The following DIP2A variants were observed in gnomAD, a reference collection of about 807,000 sequenced individuals.
DIP2A encodes DIP2 acetate--CoA ligase A, also known as disco-interacting protein 2 homolog A.
DIP2A carries 85 observed loss-of-function variants against 177.4 expected under a neutral mutation model. That is an observed-to-expected ratio of 0.48 (90% CI 0.40 to 0.57). The LOEUF (loss-of-function observed/expected upper bound fraction) is 0.57, where lower values mean the gene tolerates loss of function less well. DIP2A is among the 20% of genes least tolerant of loss of function. The pLI, the probability that DIP2A is intolerant of heterozygous loss-of-function variation, is 0.00. For synonymous variants in DIP2A, 886 were observed against 881.8 expected (o/e 1.00, Z -0.08); for missense variants, 1,791 against 2,100.2 (o/e 0.85, Z 2.88).
At position 46,490,480 on chromosome 21, in the gene DIP2A, A is replaced by G. The variant is rs2056948537; in HGVS notation, c.164-120A>G. On this transcript the variant is annotated intron_variant, in intron 2 of 37. Transcript: ENST00000417564. ...TGCGTCTATCACTGACTTCCAGATT[A>G]AAGGCTCTTTGATAGAGGGTATGCA... The G allele has an allele frequency of 4.1e-6, 5 of 1,225,318 alleles. No individual in the cohort carries two copies. The South Asian group carries it at 8.0e-5, about 20-fold the overall frequency. The allele number at this position is 1,225,318 out of a possible 1,614,324, so 75.9% of individuals were successfully genotyped here. A position where few individuals can be genotyped will look rare whatever the true frequency, so the allele number is the denominator to read the frequency against.
chr21:46,544,676 T>A (rs777495869), intron 18 of DIP2A, among the ~76,000 whole-genome samples: 1 of 152,124 alleles, frequency 6.6e-6, no homozygotes, highest in Non-Finnish European at 1.5e-5. Flanking sequence ...CATGGCAGAT[T>A]TGCATTTAAA....
intron 1 of DIP2A, among the ~76,000 whole-genome samples, chr21:46,479,471 A>G (rs1388777714): frequency 6.6e-6 from 1 of 152,248 alleles, no homozygotes; most frequent in Non-Finnish European, 1.5e-5. Context: ...TGAATGAGAC[A>G]GTGGACATTC....
In DIP2A at chr21:46,498,152, T is replaced by G. The variant is rs2057455605; in HGVS notation, c.404-430T>G. On this transcript the variant is annotated intron_variant, in intron 4 of 37. Coordinates refer to ENST00000417564, the MANE Select transcript of DIP2A (RefSeq NM_015151.4). This position sits in a 1 kb window ranked among gnomAD's most constrained non-coding sequence, Gnocchi z 4.3. ...TGCACAGGCCAGGATGCCTTCTCAC[T>G]GCCTCCAAGATGTAGGGCCGGGCAC... Among the ~76,000 whole-genome samples, 1 of 152,216 alleles carries G rather than the reference T, an allele frequency of 6.6e-6. No homozygotes were observed. Among genetic ancestry groups the G allele is most frequent in the African/African-American group, 2.4e-5 (1 of 41,458 alleles).
downstream of DIP2A, among the ~76,000 whole-genome samples, chr21:46,573,006 C>T (rs536513729): frequency 8.7e-4 from 132 of 152,014 alleles, no homozygotes; most frequent in South Asian, 6.9e-3. Context: ...TGTGTAGATA[C>T]ATATACACTG....
chr21:46,566,739 C>T (rs1328520065), intron 37 of DIP2A, 56 bp downstream of exon 37: 16 of 1,607,436 alleles, frequency 1.0e-5, no homozygotes, highest in Non-Finnish European at 1.4e-5. Context: ...TTCCTCTGGG[C>T]ATGAGTGCTG....
At chr21:46,483,708 C>T (rs2056504695) in intron 1 of DIP2A, among the ~76,000 whole-genome samples, 1 of 152,232 alleles carries the variant, frequency 6.6e-6, no homozygotes, top group Admixed American at 6.5e-5. Context: ...AAAGGAAATA[C>T]TCAATTATGT....
At position 46,554,269 on chromosome 21, in the gene DIP2A, A is replaced by C; in HGVS notation, c.3131A>C (p.His1044Pro). 6.2e-7 allele frequency: 1 copy of C among 1,613,908 alleles called. No individual in the cohort carries two copies. The highest frequency in any genetic ancestry group is 8.5e-7 in the Non-Finnish European group (1 of 1,179,836). Residue 1044 changes from histidine (H) to proline (P), a missense_variant, in exon 26 of 38, where the codon CAT (histidine) becomes CCT (proline). Transcript: ENST00000417564. ...MEKGRLSVGD[H>P]VALVYPPGVD... Reference sequence around the variant, plus strand: ...AAGGGAAGACTGAGTGTTGGGGACCATGTGGCTCTGGTCTACCCACCAGGT... The same window carrying C: ...AAGGGAAGACTGAGTGTTGGGGACCCTGTGGCTCTGGTCTACCCACCAGGT...
intron 9 of DIP2A, among the ~76,000 whole-genome samples, chr21:46,531,756 C>A (rs2059366527): frequency 6.6e-6 from 1 of 152,200 alleles, no homozygotes; most frequent in African/African-American, 2.4e-5. Flanking sequence ...AACATCTAGT[C>A]TGAAGGTTAT....
intron 1 of DIP2A, among the ~76,000 whole-genome samples, chr21:46,476,751 G>A (rs2055884055): frequency 6.6e-6 from 1 of 151,740 alleles, no homozygotes; most frequent in African/African-American, 2.4e-5. Context: ...CCACGTCCTG[G>A]GTTCAAGTGA....
At chr21:46,462,908 T>C (rs2054447312) in intron 1 of DIP2A, 1 of 152,232 alleles carries the variant, frequency 6.6e-6, no homozygotes, top group African/African-American at 2.4e-5. Flanking sequence ...ACCATAGTGA[T>C]TGGCGTTGGC....
At chr21:46,484,486 A>G (rs892237337) in intron 1 of DIP2A, among the ~76,000 whole-genome samples, 1 of 152,142 alleles carries the variant, frequency 6.6e-6, no homozygotes, top group African/African-American at 2.4e-5. Flanking sequence ...GAATGTCATA[A>G]AAGTTGAGTA....
chr21:46,552,267 T>G lies in DIP2A; in HGVS notation c.3030+363T>G, dbSNP rs117381445. On this transcript the variant is annotated intron_variant, in intron 25 of 37. Transcript: ENST00000417564. Reference sequence around the variant, plus strand: ...AAGTTTGTGAGCTAAAAGGAAATGTTTATTTTGTAAAAAATTAGCCATTTA... The same window carrying G: ...AAGTTTGTGAGCTAAAAGGAAATGTGTATTTTGTAAAAAATTAGCCATTTA... Among the ~76,000 whole-genome samples, 5 of 152,370 alleles carry G rather than the reference T, an allele frequency of 3.3e-5. No individual in the cohort carries two copies. The East Asian group carries it at 9.6e-4, about 29-fold the overall frequency.
intron 15 of DIP2A, among the ~76,000 whole-genome samples, chr21:46,538,135 TCA>T (rs1491373554): frequency 1.3e-5 from 2 of 152,076 alleles, no homozygotes; most frequent in African/African-American, 4.8e-5. Flanking sequence ...TCTGGGGTCC[TCA>T]CACTTCTCAG....
chr21:46,569,862 A>T lies in DIP2A; in HGVS notation c.*2240A>T, dbSNP rs1259873835. The stretch of plus-strand genomic sequence containing the variant: ...ATAAAGAAAATTAAAATTTCTTATA[A>T]TTCTACCTCTGAGTAAACAGCAGCA... On this transcript the variant is annotated 3_prime_UTR_variant, in exon 38 of 38. Coordinates refer to ENST00000417564, the MANE Select transcript of DIP2A (RefSeq NM_015151.4). The T allele has an allele frequency of 1.3e-5, 2 of 152,330 alleles. No homozygotes were observed. The highest frequency in any genetic ancestry group is 4.8e-5 in the African/African-American group (2 of 41,582). The allele number at this position is 152,330 out of a possible 1,614,324, so 9.4% of individuals were successfully genotyped here. A position where few individuals can be genotyped will look rare whatever the true frequency, so the allele number is the denominator to read the frequency against.
At chr21:46,524,169 A>C (rs1469904557) in intron 8 of DIP2A, among the ~76,000 whole-genome samples, 1 of 152,248 alleles carries the variant, frequency 6.6e-6, no homozygotes, top group Non-Finnish European at 1.5e-5. Flanking sequence ...AGTGCAAGGC[A>C]GATGAATCCA....
chr21:46,468,427 A>AG (rs562241456), intron 1 of DIP2A, among the ~76,000 whole-genome samples: 29 of 150,074 alleles, frequency 1.9e-4, no homozygotes, highest in Admixed American at 7.3e-4. Flanking sequence ...AAAAAAAAAA[A>AG]AGAGAGAAAA....
chr21:46,561,692 A>G, intron 33 of DIP2A, 56 bp from the exon 34 acceptor site: 1 of 1,604,342 alleles, frequency 6.2e-7, no homozygotes, highest in Non-Finnish European at 8.5e-7. Context: ...CTGCCCTTTC[A>G]GACATTACTA....
chr21:46,521,655 C>T (rs2148689091), intron 8 of DIP2A, among the ~76,000 whole-genome samples: 1 of 152,340 alleles, frequency 6.6e-6, no homozygotes, highest in African/African-American at 2.4e-5. Context: ...TAACCCTTTA[C>T]ACTTTTTGTT....
chr21:46,558,838 C>A, intron 32 of DIP2A: 1 of 240,258 alleles, frequency 4.2e-6, no homozygotes, highest in South Asian at 4.6e-5. Flanking sequence ...GTGGCTCATG[C>A]CTATAATCCC....
Sources: allele counts gnomAD v4.1 joint callset (sites outside exome capture counted in the v4.1 genomes callset), GRCh38; gene constraint gnomAD v4.1.1; non-coding constraint Gnocchi (gnomAD v3.1); transcripts MANE v1.5; gene names NCBI Gene and HGNC (gene_info 2026-07-23, HGNC 2026-07-21).